NUP98: variants seen among roughly 807,000 people sequenced by gnomAD.
NUP98 encodes the protein nucleoporin 98 and 96 precursor.
Under a neutral mutation model 191.9 loss-of-function variants are expected in NUP98, and 26 were observed. That is an observed-to-expected ratio of 0.14 (90% CI 0.10 to 0.19). The LOEUF is 0.19. Ranked by LOEUF, NUP98 falls within the 10% of genes least tolerant of loss-of-function variation. The probability of loss-of-function intolerance (pLI) is 1.00; values close to 1 mark genes in which losing one functional copy is unlikely to be tolerated. For synonymous variants in NUP98, 808 were observed against 778.4 expected (o/e 1.04, Z -0.63); for missense variants, 1,941 against 2,178.8 (o/e 0.89, Z 2.17).
intron 18 of NUP98, among the ~76,000 whole-genome samples, chr11:3,715,412 C>T (rs1336038973): frequency 6.6e-6 from 1 of 151,400 alleles, no homozygotes; most frequent in Non-Finnish European, 1.5e-5. Context: ...GGATTATAGG[C>T]GTGAGCCACC....
At chr11:3,722,460 A>AATAT (rs148681790) in intron 16 of NUP98, among the ~76,000 whole-genome samples, 1,602 of 148,922 alleles carry the variant, frequency 0.011, 27 homozygotes, top group African/African-American at 0.036. Flanking sequence ...TAAGTAACCA[A>AATAT]ATATATATAT....
intron 18 of NUP98, 95 bp from the exon 19 acceptor site, chr11:3,714,090 G>T: frequency 8.3e-7 from 1 of 1,198,312 alleles, no homozygotes; most frequent in African/African-American, 1.5e-5. Context: ...GTGAATAATG[G>T]TAACTATGCT....
At chr11:3,696,078 C>A (rs1469795560) in intron 25 of NUP98, among the ~76,000 whole-genome samples, 1 of 152,100 alleles carries the variant, frequency 6.6e-6, no homozygotes, top group African/African-American at 2.4e-5. Flanking sequence ...GTAATTCCAG[C>A]TACTTGGAAG....
intron 28 of NUP98, among the ~76,000 whole-genome samples, chr11:3,690,952 C>T (rs1231561049): frequency 2.6e-5 from 4 of 152,092 alleles, no homozygotes; most frequent in African/African-American, 9.7e-5. Flanking sequence ...ATGATCTCCA[C>T]ATAAAATTCT....
rs768106214 is a variant in NUP98, at chr11:3,762,877, A to T, written c.1086+25T>A. The T allele has an allele frequency of 4.4e-6, 7 of 1,607,360 alleles. No individual in the cohort carries two copies. In the South Asian group the frequency reaches 6.7e-5, roughly 15 times the overall value. On this transcript the variant is annotated intron_variant, in intron 9 of 32. Transcript: ENST00000324932. ...TTAACAAATTTACACACATCTTCAAATTACAGTCAACTGCAGAAACCTACC... is the reference window on the plus strand; with the variant it reads ...TTAACAAATTTACACACATCTTCAATTTACAGTCAACTGCAGAAACCTACC...
chr11:3,704,437 G>C (rs1189440653), intron 22 of NUP98, among the ~76,000 whole-genome samples: 1 of 152,202 alleles, frequency 6.6e-6, no homozygotes. Context: ...AAAAGGTTTA[G>C]TGAAAAGTAG....
chr11:3,784,325 G>GGA (rs1554904697), intron 1 of NUP98, among the ~76,000 whole-genome samples: 1 of 151,474 alleles, frequency 6.6e-6, no homozygotes, highest in Non-Finnish European at 1.5e-5. Context: ...AATTTCCTAG[G>GGA]AAAAAAAATC....
rs1347977999 is a variant in NUP98, at chr11:3,695,407, G to GA, written c.4167+41dup. 8 of 1,466,938 alleles carry GA rather than the reference G, an allele frequency of 5.5e-6. No homozygotes were observed. The African/African-American group carries it at 5.7e-5, about 11-fold the overall frequency. 90.9% of individuals were successfully genotyped at this position (1,466,938 alleles called of 1,614,324 possible). On this transcript the variant is annotated intron_variant, in intron 26 of 32. Coordinates refer to ENST00000324932, the MANE Select transcript of NUP98 (RefSeq NM_016320.5). ...CAACCTCAAACCAGCTTCAATTTAT[G>GA]AAAAAACCAATGTGAGATATTATGG... is the stretch of plus-strand genomic sequence containing the variant.
chr11:3,702,311 A>ACC, intron 23 of NUP98, 152 bp downstream of exon 23: 6 of 421,858 alleles, frequency 1.4e-5, no homozygotes, highest in Admixed American at 4.6e-5. Context: ...ACACACACAC[A>ACC]CACTCTCTCT....
At chr11:3,684,762 A>C in intron 29 of NUP98, among the ~76,000 whole-genome samples, 1 of 104,106 alleles carries the variant, frequency 9.6e-6, no homozygotes, top group South Asian at 3.7e-4. Flanking sequence ...ATGCTTTCAC[A>C]GGCCAAAAAA....
intron 18 of NUP98, among the ~76,000 whole-genome samples, chr11:3,715,949 T>C (rs572470333): frequency 5.3e-5 from 8 of 152,316 alleles, no homozygotes; most frequent in Non-Finnish European, 1.0e-4. Flanking sequence ...TTGTTGTTGC[T>C]GTTGAATTGC....
chr11:3,708,509 A>C (rs2078932838), intron 20 of NUP98, among the ~76,000 whole-genome samples: 1 of 152,170 alleles, frequency 6.6e-6, no homozygotes, highest in Non-Finnish European at 1.5e-5. Flanking sequence ...AACAGACTTC[A>C]AACCTGTAAG....
At chr11:3,748,540 G>GGCCCAGCACAGTGGCTTAT (rs1453493401) in intron 11 of NUP98, among the ~76,000 whole-genome samples, 1 of 152,024 alleles carries the variant, frequency 6.6e-6, no homozygotes, top group East Asian at 1.9e-4. Context: ...TAAAACTTGT[G>GGCCCAGCACAGTGGCTTAT]GCCCAGCACA....
At chr11:3,777,102 G>C (rs2081759478) in intron 4 of NUP98, among the ~76,000 whole-genome samples, 2 of 152,004 alleles carry the variant, frequency 1.3e-5, no homozygotes, top group African/African-American at 4.8e-5. Flanking sequence ...GAATATACAA[G>C]TGGTCCTATT....
rs1040921390 is a variant in NUP98 at position 3,699,460 on chromosome 11, A to C, written c.3743-112T>G. The stretch of plus-strand genomic sequence containing the variant: ...ATACATAAATTAATAGACATCTCAA[A>C]CAACCACTCAAGCTGATTACCCTGA... On this transcript the variant is annotated intron_variant, in intron 24 of 32. Coordinates refer to ENST00000324932, the MANE Select transcript of NUP98 (RefSeq NM_016320.5). 6.0e-6 allele frequency: 7 copies of C among 1,173,216 alleles called. No homozygotes were observed. In the African/African-American group the frequency reaches 9.2e-5, roughly 15 times the overall value. The allele number at this position is 1,173,216 out of a possible 1,614,324, so 72.7% of individuals were successfully genotyped here.
chr11:3,787,176 C>T (rs886647074), intron 1 of NUP98, among the ~76,000 whole-genome samples: 3 of 152,170 alleles, frequency 2.0e-5, no homozygotes, highest in Non-Finnish European at 4.4e-5. Flanking sequence ...GATTCATTAG[C>T]CTAGTGTAAC....
At chr11:3,721,129 A>G (rs2134216735) in intron 16 of NUP98, 1 of 171,176 alleles carries the variant, frequency 5.8e-6, no homozygotes, top group Non-Finnish European at 1.2e-5. Context: ...ATTTAACCAC[A>G]GAACATTATT....
intron 10 of NUP98, among the ~76,000 whole-genome samples, chr11:3,753,613 GAAATATCAATTCA>G (rs1464316125): frequency 1.3e-5 from 2 of 151,704 alleles, no homozygotes; most frequent in Non-Finnish European, 2.9e-5. Flanking sequence ...TTTCAGCCTT[GAAATATCAATTCA>G]AAGGCCATGC....
intron 7 of NUP98, among the ~76,000 whole-genome samples, chr11:3,769,125 T>C (rs994165427): frequency 6.6e-6 from 1 of 152,204 alleles, no homozygotes. Context: ...TGATATGTAA[T>C]ATTCAATAAT....
Sources: allele counts gnomAD v4.1 joint callset (sites outside exome capture counted in the v4.1 genomes callset), GRCh38; gene constraint gnomAD v4.1.1; transcripts MANE v1.5; gene names NCBI Gene and HGNC (gene_info 2026-07-23, HGNC 2026-07-21).